The following HCK variants were observed in gnomAD, a reference collection of about 807,000 sequenced individuals.
HCK encodes the protein tyrosine-protein kinase HCK.
A neutral mutation model predicts 70.4 loss-of-function variants in HCK; 40 were observed. The observed-to-expected ratio is 0.57, with a 90% CI of 0.44 to 0.74. HCK has a LOEUF of 0.74. Ranked by LOEUF, HCK falls within the 30% of genes least tolerant of loss-of-function variation. HCK has a pLI of 0.00. For synonymous variants in HCK, 245 were observed against 263.2 expected (o/e 0.93, Z 0.67); for missense variants, 568 against 697.2 (o/e 0.81, Z 2.09).
intron 3 of HCK, 46 bp downstream of exon 3, chr20:32,073,407 G>A: frequency 1.3e-6 from 2 of 1,506,046 alleles, no homozygotes; most frequent in Non-Finnish European, 9.2e-7. Flanking sequence ...GTCCTGCAGA[G>A]GACTCCGCTA....
At position 32,052,782 on chromosome 20, in the gene HCK, TGGG is replaced by T. The variant is rs200284342; in HGVS notation, c.62+303_62+305del. On this transcript the variant is annotated intron_variant, in intron 1 of 12. Transcript: ENST00000375852. ...TCTGGGCCGTCCAGGTTCCCCTTCT[TGGG>T]GGGGGGCGGGGATTTTTTTTTTAAT... Among the ~76,000 whole-genome samples, 17 of 99,614 alleles carry T rather than the reference TGGG, an allele frequency of 1.7e-4. No homozygotes were observed. In the Admixed American group the frequency reaches 1.7e-3, roughly 10 times the overall value. 65.4% of individuals were successfully genotyped at this position (99,614 alleles called of 152,430 possible). A position where few individuals can be genotyped will look rare whatever the true frequency, so the allele number is the denominator to read the frequency against.
chr20:32,098,953 AC>A, intron 11 of HCK, 50 bp from the exon 12 acceptor site: 2 of 1,594,864 alleles, frequency 1.3e-6, no homozygotes, highest in Non-Finnish European at 1.7e-6. Flanking sequence ...AGCAGAGCCA[AC>A]CCTCACTACT....
At chr20:32,084,346 G>A (rs771582924) in intron 7 of HCK, 45 bp from the exon 8 acceptor site, 9 of 1,570,144 alleles carry the variant, frequency 5.7e-6, no homozygotes, top group East Asian at 2.3e-5. Flanking sequence ...ACCTCTGGCT[G>A]GCTCGGTGCT....
intron 11 of HCK, among the ~76,000 whole-genome samples, chr20:32,094,659 C>A (rs2045909231): frequency 6.9e-6 from 1 of 145,774 alleles, no homozygotes. Context: ...CTGCACCCAG[C>A]CTGGTGGACA....
intron 4 of HCK, 58 bp from the exon 5 acceptor site, chr20:32,074,565 A>C: frequency 7.8e-7 from 1 of 1,289,040 alleles, no homozygotes; most frequent in Non-Finnish European, 1.1e-6. Context: ...GGGGAGCTTG[A>C]GGAGACTGGA....
chr20:32,087,934 G>A (rs1004170003), intron 9 of HCK, among the ~76,000 whole-genome samples: 7 of 152,212 alleles, frequency 4.6e-5, no homozygotes, highest in African/African-American at 1.4e-4. Flanking sequence ...GAGCAACTGC[G>A]CCCAGCTTCT....
chr20:32,093,041 T>C (rs1600741869), intron 10 of HCK, among the ~76,000 whole-genome samples: 1 of 151,970 alleles, frequency 6.6e-6, no homozygotes, highest in Non-Finnish European at 1.5e-5. Flanking sequence ...GCCTCCTGGG[T>C]CCAAGCAATT....
intron 10 of HCK, among the ~76,000 whole-genome samples, chr20:32,091,235 G>GT (rs760132266): frequency 9.2e-5 from 14 of 152,220 alleles, no homozygotes; most frequent in Non-Finnish European, 1.8e-4. Flanking sequence ...TCAAACAGTG[G>GT]TAACTACCAG....
chr20:32,087,682 C>T (rs1600735722), intron 9 of HCK, among the ~76,000 whole-genome samples: 1 of 151,900 alleles, frequency 6.6e-6, no homozygotes, highest in Non-Finnish European at 1.5e-5. Flanking sequence ...CACTCTGTTT[C>T]CCAGGCTGGA....
chr20:32,099,258 C>A, intron 12 of HCK, 123 bp downstream of exon 12: 1 of 1,057,976 alleles, frequency 9.5e-7, no homozygotes, highest in Non-Finnish European at 1.4e-6. Context: ...CTCACCTTTC[C>A]TGTCTTAGTT....
intron 1 of HCK, among the ~76,000 whole-genome samples, chr20:32,057,031 A>G (rs1020943171): frequency 2.2e-4 from 33 of 152,196 alleles, no homozygotes; most frequent in Admixed American, 2.2e-3. Context: ...AGTTGCTAAC[A>G]TTTAAACTCA....
chr20:32,095,545 C>T (rs895654090), intron 11 of HCK, among the ~76,000 whole-genome samples: 2 of 152,142 alleles, frequency 1.3e-5, no homozygotes, highest in African/African-American at 4.8e-5. Flanking sequence ...GTGTGAGCCA[C>T]CATGCCCGGC....
chr20:32,100,960 C>T (rs2046024608), intron 12 of HCK, among the ~76,000 whole-genome samples: 1 of 152,236 alleles, frequency 6.6e-6, no homozygotes. Context: ...GGGTTCCTGT[C>T]TCTATGATGG....
At chr20:32,095,914 G>T (rs1395554256) in intron 11 of HCK, among the ~76,000 whole-genome samples, 3 of 150,308 alleles carry the variant, frequency 2.0e-5, no homozygotes, top group Non-Finnish European at 4.4e-5. Context: ...TTTTGAGACG[G>T]AGTCTCGCTC....
chr20:32,090,146 G>A (rs1238828097), intron 10 of HCK, among the ~76,000 whole-genome samples: 1 of 152,254 alleles, frequency 6.6e-6, no homozygotes, highest in Non-Finnish European at 1.5e-5. Flanking sequence ...GGTCCTCTGG[G>A]AGACAATAGA....
At chr20:32,069,348 C>T (rs144348771) in intron 1 of HCK, among the ~76,000 whole-genome samples, 62 of 152,280 alleles carry the variant, frequency 4.1e-4, no homozygotes, top group African/African-American at 1.4e-3. Flanking sequence ...GTGCTCAACG[C>T]GCATGGATTG....
At position 32,073,817 on chromosome 20, in the gene HCK, G is replaced by A; in HGVS notation, c.328G>A (p.Glu110Lys). The A allele has an allele frequency of 1.3e-6, 2 of 1,538,380 alleles. No individual in the cohort carries two copies. The highest frequency in any genetic ancestry group is 1.8e-6 in the Non-Finnish European group (2 of 1,134,330). The change falls in exon 4 of 13, where the codon GAA becomes AAA. Residue 110 changes from glutamate to lysine, a missense_variant and splice_region_variant. Physicochemically the swap from Glu to Lys is moderately conservative, Grantham distance 56 (BLOSUM62 1). Coordinates refer to ENST00000375852, the MANE Select transcript of HCK (RefSeq NM_002110.5). The stretch of plus-strand genomic sequence containing the variant: ...GGGGGACCAGATGGTGGTCCTAGAG[G>A]AGTGAGTCCCCATCCCACTCCCCCT...
At chr20:32,053,600 T>C (rs773856142) in intron 1 of HCK, among the ~76,000 whole-genome samples, 47 of 127,142 alleles carry the variant, frequency 3.7e-4, no homozygotes, top group Non-Finnish European at 6.3e-4. Flanking sequence ...ATCGCGCCAC[T>C]GCACTCCAGC....
chr20:32,055,662 G>A (rs2045259845), intron 1 of HCK, among the ~76,000 whole-genome samples: 1 of 151,798 alleles, frequency 6.6e-6, no homozygotes, highest in East Asian at 1.9e-4. Context: ...TATTTTAATC[G>A]AGGTGAAATT....
Sources: gnomAD v4.1 joint callset for allele counts (sites outside exome capture counted in the v4.1 genomes callset) on GRCh38, gnomAD v4.1.1 for gene constraint, MANE v1.5 for transcripts, NCBI Gene and HGNC (gene_info 2026-07-23, HGNC 2026-07-21) for gene names.